NUP153: variants seen among roughly 807,000 people sequenced by gnomAD.
NUP153 encodes nucleoporin 153, also known as nuclear pore complex protein Nup153.
A neutral mutation model predicts 134.6 loss-of-function variants in NUP153; 27 were observed. The ratio of observed to expected loss-of-function variants is 0.20; its 90% confidence interval spans 0.15 to 0.28. The LOEUF (loss-of-function observed/expected upper bound fraction) is 0.28, where lower values mean the gene tolerates loss of function less well. Among genes scored for constraint, NUP153 ranks in the 10% least tolerant of loss-of-function variants. The pLI is 1.00. For synonymous variants in NUP153, 640 were observed against 623.5 expected, an observed-to-expected ratio of 1.03 and a Z score of -0.40; for missense variants, 1,821 against 1,731.3, an observed-to-expected ratio of 1.05 and a Z score of -0.92.
At chr6:17,671,947 G>T (rs1767939093) in intron 5 of NUP153, among the ~76,000 whole-genome samples, 1 of 152,154 alleles carries the variant, frequency 6.6e-6, no homozygotes, top group Non-Finnish European at 1.5e-5. Flanking sequence ...GGTGGAGGTT[G>T]CAGTGAACCA....
intron 1 of NUP153, among the ~76,000 whole-genome samples, chr6:17,704,587 TAC>T (rs1770351252): frequency 1.3e-5 from 2 of 152,248 alleles, no homozygotes; most frequent in South Asian, 4.1e-4. Flanking sequence ...GCACTTTATG[TAC>T]ATATCTGGGG....
At chr6:17,692,386 G>C (rs546133509) in intron 1 of NUP153, among the ~76,000 whole-genome samples, 1 of 152,254 alleles carries the variant, frequency 6.6e-6, no homozygotes, top group East Asian at 1.9e-4. Context: ...CTGTGGCACA[G>C]GCCTGTAGTC....
chr6:17,648,844 C>T (rs777009827), intron 12 of NUP153, among the ~76,000 whole-genome samples: 6 of 151,908 alleles, frequency 3.9e-5, no homozygotes, highest in Non-Finnish European at 5.9e-5. Flanking sequence ...GATGTTACGC[C>T]TAGCTGAGAA....
chr6:17,691,152 A>G (rs1260042071), intron 1 of NUP153, among the ~76,000 whole-genome samples: 1 of 152,048 alleles, frequency 6.6e-6, no homozygotes, highest in African/African-American at 2.4e-5. Context: ...CGTCTCAAGA[A>G]AAAAAAAGGA....
chr6:17,702,303 C>T (rs557376178), intron 1 of NUP153, among the ~76,000 whole-genome samples: 6 of 151,974 alleles, frequency 3.9e-5, no homozygotes, highest in Non-Finnish European at 5.9e-5. Context: ...GTCAGGAGAT[C>T]GAGAACATCC....
chr6:17,658,812 G>C (rs1304443095), intron 11 of NUP153, among the ~76,000 whole-genome samples: 1 of 152,038 alleles, frequency 6.6e-6, no homozygotes, highest in Non-Finnish European at 1.5e-5. Flanking sequence ...ACGATAACCG[G>C]TTACGACCAG....
intron 16 of NUP153, among the ~76,000 whole-genome samples, 192 bp from the exon 17 acceptor site, chr6:17,633,036 C>G (rs1765343946): frequency 6.6e-6 from 1 of 152,150 alleles, no homozygotes. Flanking sequence ...GAATAGACCT[C>G]TCTTTTAACC....
chr6:17,616,304 T>G, intron 21 of NUP153, 123 bp from the exon 22 acceptor site: 1 of 625,012 alleles, frequency 1.6e-6, no homozygotes, highest in Non-Finnish European at 2.8e-6. Context: ...AGACTCACAT[T>G]GGTATATACA....
intron 14 of NUP153, among the ~76,000 whole-genome samples, chr6:17,640,462 T>G (rs1439234598): frequency 2.0e-5 from 3 of 152,230 alleles, no homozygotes; most frequent in African/African-American, 4.8e-5. Context: ...AACTGAGCAA[T>G]TATTTCATTT....
intron 5 of NUP153, among the ~76,000 whole-genome samples, chr6:17,669,966 G>A (rs1280211613): frequency 6.6e-6 from 1 of 151,768 alleles, no homozygotes; most frequent in Non-Finnish European, 1.5e-5. Flanking sequence ...GTGGCAGTGT[G>A]TGCCTGCAGT....
At chr6:17,662,767 C>T (rs1432978659) in intron 9 of NUP153, among the ~76,000 whole-genome samples, 1 of 152,176 alleles carries the variant, frequency 6.6e-6, no homozygotes, top group African/African-American at 2.4e-5. Flanking sequence ...ACAGTGAGAA[C>T]AGCTCAGCAC....
chr6:17,669,302 A>T lies in NUP153; in HGVS notation c.1005T>A (p.Pro335=), dbSNP rs779144465. 4 of 1,610,436 alleles carry T rather than the reference A, an allele frequency of 2.5e-6. No homozygotes were observed. The highest frequency in any genetic ancestry group is 3.4e-6 in the Non-Finnish European group (4 of 1,176,954). ...TTAAATCTCAACTTACAGAATTCAGAGGAGAAGAAACAATGGATGGAATTC... is the reference window on the plus strand; with the variant it reads ...TTAAATCTCAACTTACAGAATTCAGTGGAGAAGAAACAATGGATGGAATTC... ...AKRIPSIVSS[P]LNSPLDRSGI... Residue 335 remains proline (P), a synonymous_variant, in exon 7 of 22, where the codon CCT becomes CCA. Coordinates refer to ENST00000262077, the MANE Select transcript of NUP153 (RefSeq NM_005124.4).
intron 13 of NUP153, among the ~76,000 whole-genome samples, chr6:17,646,774 T>C (rs1404634244): frequency 6.6e-6 from 1 of 151,594 alleles, no homozygotes; most frequent in Non-Finnish European, 1.5e-5. Flanking sequence ...AGTTTCACTC[T>C]TGTTGCCTGA....
Position 17,647,903 on chromosome 6 carries a change from T to C in NUP153, c.1536A>G (p.Val512=). 1 of 1,596,176 alleles carries C rather than the reference T, an allele frequency of 6.3e-7. No homozygotes were observed. Among genetic ancestry groups the C allele is most frequent in the Non-Finnish European group, 8.5e-7 (1 of 1,169,882 alleles). The change falls in exon 13 of 22, where the codon GTA becomes GTG. Residue 512 remains valine (V), a splice_region_variant and synonymous_variant. Coordinates refer to ENST00000262077, the MANE Select transcript of NUP153 (RefSeq NM_005124.4). ...INSSQALTNK[V]QMTSPSSTGS... The stretch of plus-strand genomic sequence containing the variant: ...CAGTGCTGCTCGGAGAGGTCATTTG[T>C]ACCTGGTTTTCCAAATTATTAAGAA...
In NUP153 at chr6:17,629,243, A is replaced by C; in HGVS notation, c.2956T>G (p.Ser986Ala). 6.2e-7 allele frequency: 1 copy of C among 1,613,364 alleles called. No homozygotes were observed. The highest frequency in any genetic ancestry group is 8.5e-7 in the Non-Finnish European group (1 of 1,179,818). The change falls in exon 18 of 22, where the codon TCT (serine) becomes GCT (alanine). Residue 986 changes from serine (S) to alanine (A), a missense_variant. Physicochemically the swap from Ser to Ala is moderately conservative, Grantham distance 99. Transcript: ENST00000262077. ...SKNDNFKFGL[S>A]SGLSNPVSLT... ...GAAACTGGGTTGCTTAAACCAGAAG[A>C]AAGTCCAAACTTAAAATTATCATTC...
At chr6:17,627,201 A>G (rs1275833892) in intron 18 of NUP153, among the ~76,000 whole-genome samples, 1 of 152,218 alleles carries the variant, frequency 6.6e-6, no homozygotes, top group Non-Finnish European at 1.5e-5. Flanking sequence ...AAGAATGGTT[A>G]AGAGTGTCTA....
intron 5 of NUP153, among the ~76,000 whole-genome samples, chr6:17,673,968 A>T (rs1768065769): frequency 6.6e-6 from 1 of 152,250 alleles, no homozygotes; most frequent in Non-Finnish European, 1.5e-5. Context: ...GGTGAATAAT[A>T]AACCAACTGT....
chr6:17,683,355 A>G (rs1297014777), intron 2 of NUP153, among the ~76,000 whole-genome samples: 1 of 152,218 alleles, frequency 6.6e-6, no homozygotes, highest in East Asian at 1.9e-4. Context: ...TTTCTTAAAT[A>G]ATGAGACTGG....
intron 20 of NUP153, among the ~76,000 whole-genome samples, chr6:17,623,444 G>C (rs573546582): frequency 4.6e-5 from 7 of 151,480 alleles, no homozygotes; most frequent in African/African-American, 1.7e-4. Flanking sequence ...ATACAATGGT[G>C]GTAGGATATG....
Sources: gnomAD v4.1 joint callset for allele counts (sites outside exome capture counted in the v4.1 genomes callset) on GRCh38, gnomAD v4.1.1 for gene constraint, MANE v1.5 for transcripts, NCBI Gene and HGNC (gene_info 2026-07-23, HGNC 2026-07-21) for gene names.